ENTPD1: variants seen among roughly 807,000 people sequenced by gnomAD.
ENTPD1 encodes the protein ATP diphosphohydrolase.
ENTPD1 carries 33 observed loss-of-function variants against 57.0 expected under a neutral mutation model. The observed-to-expected ratio is 0.58, with a 90% CI of 0.44 to 0.77. ENTPD1 has a LOEUF of 0.77. ENTPD1 is among the 30% of genes least tolerant of loss of function. The pLI, the probability that ENTPD1 is intolerant of heterozygous loss-of-function variation, is 0.00. For missense variants in ENTPD1, 501 were observed against 603.4 expected (o/e 0.83, Z 1.78); for synonymous variants, 202 against 218.8 (o/e 0.92, Z 0.68).
At position 95,873,617 on chromosome 10, in the gene ENTPD1, T is replaced by C. The variant is rs2098482803; in HGVS notation, c.*7234T>C. 1 of 985,370 alleles carries C rather than the reference T, an allele frequency of 1.0e-6. No homozygotes were observed. Among genetic ancestry groups the C allele is most frequent in the South Asian group, 4.7e-5 (1 of 21,294 alleles). 61.0% of individuals were successfully genotyped at this position (985,370 alleles called of 1,614,324 possible). ...GTTTCTTATTACTCCTGTCTATGGATGTTTCCTTCTGTCACTCTACTAGGG... is the reference window on the plus strand; with the variant it reads ...GTTTCTTATTACTCCTGTCTATGGACGTTTCCTTCTGTCACTCTACTAGGG... On this transcript the variant is annotated 3_prime_UTR_variant, in exon 10 of 10. Transcript: ENST00000371205.
At chr10:95,702,318 A>G in the ENTPD1 span, among the ~76,000 whole-genome samples, 1 of 152,206 alleles carries the variant, frequency 6.6e-6, no homozygotes, top group African/African-American at 2.4e-5. Flanking sequence ...AATGCATCAA[A>G]TGTAAATCCT....
At chr10:95,864,938 A>C (rs1159433364) in intron 9 of ENTPD1, 77 bp downstream of exon 9, 1 of 1,527,966 alleles carries the variant, frequency 6.5e-7, no homozygotes, top group African/African-American at 1.4e-5. Context: ...GGCTTGAAAA[A>C]GGGGGGAGTC....
chr10:95,868,468 T>A lies in ENTPD1; in HGVS notation c.*2085T>A. 1 of 985,442 alleles carries A rather than the reference T, an allele frequency of 1.0e-6. No homozygotes were observed. The highest frequency in any genetic ancestry group is 1.2e-6 in the Non-Finnish European group (1 of 829,932). 61.0% of individuals were successfully genotyped at this position (985,442 alleles called of 1,614,324 possible). ...ACCCCTGGCTTCCTAATTTTAATGTTTGCTCACAGCATAGTAGATTGACAT... is the reference window on the plus strand; with the variant it reads ...ACCCCTGGCTTCCTAATTTTAATGTATGCTCACAGCATAGTAGATTGACAT... On this transcript the variant is annotated 3_prime_UTR_variant, in exon 10 of 10. Coordinates refer to ENST00000371205, the MANE Select transcript of ENTPD1 (RefSeq NM_001776.6).
intron 7 of ENTPD1, among the ~76,000 whole-genome samples, chr10:95,852,761 G>C (rs539544377): frequency 6.6e-6 from 1 of 152,202 alleles, no homozygotes; most frequent in East Asian, 1.9e-4. Context: ...CATTATTTCT[G>C]AGGGCTCTGT....
Position 95,876,689 on chromosome 10 carries a change from A to G in ENTPD1, c.*10306A>G. On this transcript the variant is annotated 3_prime_UTR_variant, in exon 10 of 10. Coordinates refer to ENST00000371205, the MANE Select transcript of ENTPD1 (RefSeq NM_001776.6). ...ATAACAGAAACAAACAAGTTATTTT[A>G]AAACTTATTGGAATATTCAAATATT... The G allele has an allele frequency of 8.3e-7, 1 of 1,205,860 alleles. No homozygotes were observed. Among genetic ancestry groups the G allele is most frequent in the Non-Finnish European group, 1.0e-6 (1 of 968,230 alleles). 74.7% of individuals were successfully genotyped at this position (1,205,860 alleles called of 1,614,324 possible).
At chr10:95,844,705 T>A in intron 5 of ENTPD1, 70 bp downstream of exon 5, 1 of 1,583,872 alleles carries the variant, frequency 6.3e-7, no homozygotes, top group Non-Finnish European at 8.7e-7. Flanking sequence ...CAGGCAGTAC[T>A]TGGGTCGCTA....
intron 7 of ENTPD1, among the ~76,000 whole-genome samples, chr10:95,858,641 A>C (rs565885835): frequency 2.0e-5 from 3 of 152,190 alleles, no homozygotes; most frequent in African/African-American, 7.2e-5. Flanking sequence ...TGCACCTGGG[A>C]TACAATGATA....
At chr10:95,865,800 C>T (rs757796522) in intron 9 of ENTPD1, among the ~76,000 whole-genome samples, 2 of 152,064 alleles carry the variant, frequency 1.3e-5, no homozygotes, top group African/African-American at 2.4e-5. Flanking sequence ...CATGGTCTCA[C>T]GCTGTCACCC....
At chr10:95,765,380 G>A (rs775993977) in intron 1 of ENTPD1, among the ~76,000 whole-genome samples, 2 of 151,992 alleles carry the variant, frequency 1.3e-5, no homozygotes, top group Admixed American at 6.6e-5. Context: ...TATGAGGTAG[G>A]GGCCAAACTT....
At chr10:95,795,114 G>A (rs1039761070) in intron 1 of ENTPD1, among the ~76,000 whole-genome samples, 21 of 152,278 alleles carry the variant, frequency 1.4e-4, no homozygotes, top group African/African-American at 5.1e-4. Flanking sequence ...TGGATGCAGA[G>A]GAATCAGTTA....
chr10:95,703,529 C>A, the ENTPD1 span, among the ~76,000 whole-genome samples: 1 of 152,236 alleles, frequency 6.6e-6, no homozygotes, highest in South Asian at 2.1e-4. Flanking sequence ...CGCCTGTAAT[C>A]CAAGCACTTT....
At chr10:95,727,254 C>G in intron 1 of ENTPD1, among the ~76,000 whole-genome samples, 1 of 152,136 alleles carries the variant, frequency 6.6e-6, no homozygotes, top group East Asian at 1.9e-4. Flanking sequence ...TTAATCAAGA[C>G]CAACTCTTGT....
At chr10:95,852,115 T>C (rs1207119848) in intron 7 of ENTPD1, among the ~76,000 whole-genome samples, 1 of 152,174 alleles carries the variant, frequency 6.6e-6, no homozygotes, top group African/African-American at 2.4e-5. Flanking sequence ...TTTTAATGAT[T>C]GCCATTCTAA....
chr10:95,802,736 CTGAGGAT>C (rs2140349385), intron 1 of ENTPD1, among the ~76,000 whole-genome samples: 1 of 152,326 alleles, frequency 6.6e-6, no homozygotes, highest in African/African-American at 2.4e-5. Context: ...TGATAGTTTG[CTGAGGAT>C]GATGGTTTCC....
rs564948774 is a variant in ENTPD1, at chr10:95,763,261, A to G, written c.16+7006A>G. On this transcript the variant is annotated intron_variant, in intron 1 of 9. Transcript: ENST00000371205. Reference sequence around the variant, plus strand: ...TTCTGAATCTGTTCTTACTGTGAATAGATCCAACACATTTTTATATGTGGT... The same window carrying G: ...TTCTGAATCTGTTCTTACTGTGAATGGATCCAACACATTTTTATATGTGGT... Among the ~76,000 whole-genome samples, 11 of 152,266 alleles carry G rather than the reference A, an allele frequency of 7.2e-5. No homozygotes were observed. In the East Asian group the frequency reaches 2.1e-3, roughly 29 times the overall value.
At chr10:95,823,188 G>A (rs2098359995) in intron 1 of ENTPD1, 49 bp from the exon 2 acceptor site, 5 of 1,610,400 alleles carry the variant, frequency 3.1e-6, no homozygotes, top group Admixed American at 1.7e-5. Context: ...AGGAAAATCA[G>A]TGTTTTTGAT....
At chr10:95,797,056 G>A (rs1248891550) in intron 1 of ENTPD1, among the ~76,000 whole-genome samples, 2 of 151,998 alleles carry the variant, frequency 1.3e-5, no homozygotes, top group East Asian at 3.9e-4. Context: ...CTGGGTTACA[G>A]AGCAAGACTC....
At chr10:95,729,832 T>C (rs1024476672) in intron 1 of ENTPD1, among the ~76,000 whole-genome samples, 69 of 152,180 alleles carry the variant, frequency 4.5e-4, no homozygotes, top group African/African-American at 1.3e-3. Flanking sequence ...TGACTTTACA[T>C]TGGGAGGATC....
intron 2 of ENTPD1, among the ~76,000 whole-genome samples, chr10:95,837,969 C>CACAT (rs1251519479): frequency 6.6e-6 from 1 of 151,494 alleles, no homozygotes; most frequent in African/African-American, 2.4e-5. Context: ...CACACACACA[C>CACAT]ACACACACAC....
Sources: allele counts gnomAD v4.1 joint callset (sites outside exome capture counted in the v4.1 genomes callset), GRCh38; gene constraint gnomAD v4.1.1; transcripts MANE v1.5; gene names NCBI Gene and HGNC (gene_info 2026-07-23, HGNC 2026-07-21).